CRB1: variants seen among roughly 807,000 people sequenced by gnomAD.
CRB1 encodes crumbs cell polarity complex component 1.
A neutral mutation model predicts 120.0 loss-of-function variants in CRB1; 83 were observed. The ratio of observed to expected loss-of-function variants is 0.69; its 90% CI spans 0.58 to 0.83. CRB1 has a LOEUF of 0.83. CRB1 is among the 40% of genes least tolerant of loss of function. The pLI is 0.00. For synonymous variants in CRB1, 625 were observed against 612.5 expected, an observed-to-expected ratio of 1.02 and a Z score of -0.30; for missense variants, 1,699 against 1,687.6, an observed-to-expected ratio of 1.01 and a Z score of -0.12.
At chr1:197,246,825 A>G in the CRB1 span, among the ~76,000 whole-genome samples, 2 of 152,088 alleles carry the variant, frequency 1.3e-5, no homozygotes, top group Non-Finnish European at 2.9e-5. Flanking sequence ...GAATAGCTGT[A>G]TCAGAGAGTC....
the CRB1 span, among the ~76,000 whole-genome samples, chr1:197,257,231 A>C: frequency 6.6e-6 from 1 of 152,134 alleles, no homozygotes; most frequent in Non-Finnish European, 1.5e-5. Flanking sequence ...AAGAGAGAGG[A>C]AAATTGCCCT....
intron 5 of CRB1, among the ~76,000 whole-genome samples, chr1:197,393,518 G>T: frequency 7.5e-6 from 1 of 133,598 alleles, no homozygotes; most frequent in Non-Finnish European, 1.6e-5. Flanking sequence ...TTGAAAAGTA[G>T]TCATTTTTTT....
Position 197,292,237 on chromosome 1 carries a change from T to TCAC in CRB1, c.70+23761_70+23763dup, listed in dbSNP as rs1558033714. ...GCAATAAAAAATGATAAAGGGGATA[T>TCAC]CACCACCAATCCCACAGAAGTACAA... On this transcript the variant is annotated intron_variant, in intron 1 of 11. Coordinates refer to ENST00000367400, the MANE Select transcript of CRB1 (RefSeq NM_201253.3). Among the ~76,000 whole-genome samples the TCAC allele has an allele frequency of 2.6e-5, 4 of 152,084 alleles. No homozygotes were observed. In the South Asian group the frequency reaches 8.3e-4, roughly 31 times the overall value.
At chr1:197,321,765 A>C (rs1658211007) in intron 1 of CRB1, among the ~76,000 whole-genome samples, 1 of 152,186 alleles carries the variant, frequency 6.6e-6, no homozygotes, top group Non-Finnish European at 1.5e-5. Context: ...ACAATAATAA[A>C]TTCTGTGGCT....
At chr1:197,330,551 T>G (rs530069484) in intron 2 of CRB1, among the ~76,000 whole-genome samples, 3 of 152,300 alleles carry the variant, frequency 2.0e-5, no homozygotes, top group African/African-American at 7.2e-5. Flanking sequence ...ATACAAGTCA[T>G]TTCTTTCCCC....
the CRB1 span, among the ~76,000 whole-genome samples, chr1:197,229,881 C>T: frequency 3.9e-4 from 59 of 152,248 alleles, 1 homozygote; most frequent in African/African-American, 9.6e-4. Flanking sequence ...CCTACAGCTT[C>T]GCTCTTGATT....
chr1:197,432,301 A>G (rs1664906732), intron 8 of CRB1, among the ~76,000 whole-genome samples: 1 of 151,764 alleles, frequency 6.6e-6, no homozygotes, highest in Non-Finnish European at 1.5e-5. Flanking sequence ...AAAAACATGT[A>G]ATGAAACACT....
chr1:197,427,043 G>A (rs1558130872), intron 6 of CRB1, among the ~76,000 whole-genome samples: 1 of 152,196 alleles, frequency 6.6e-6, no homozygotes, highest in Non-Finnish European at 1.5e-5. Context: ...CACTTGCAGA[G>A]GGTTGCATGA....
the CRB1 span, among the ~76,000 whole-genome samples, chr1:197,218,661 CAA>C: frequency 8.5e-5 from 13 of 152,146 alleles, no homozygotes; most frequent in African/African-American, 2.9e-4. Flanking sequence ...GTGGATGATA[CAA>C]GGTTTGTGGA....
At chr1:197,316,060 T>A (rs894865979) in intron 1 of CRB1, among the ~76,000 whole-genome samples, 11 of 152,218 alleles carry the variant, frequency 7.2e-5, no homozygotes, top group Admixed American at 6.5e-4. Context: ...GAAGTAACCC[T>A]AGATATATCT....
chr1:197,476,607 ATAT>A (rs1667209071), intron 11 of CRB1, among the ~76,000 whole-genome samples: 1 of 152,154 alleles, frequency 6.6e-6, no homozygotes. Context: ...TTAAAATATT[ATAT>A]TAATTGTATA....
chr1:197,223,261 C>A, the CRB1 span: 4 of 947,704 alleles, frequency 4.2e-6, no homozygotes, highest in Non-Finnish European at 5.0e-6. Flanking sequence ...ATTGAATATT[C>A]CTTGTGCCAG....
Position 197,457,211 on chromosome 1 carries a change from G to A in CRB1, c.4005+14919G>A, listed in dbSNP as rs886185855. ...CAATCCTAAGTACGCCTCTATCATAGCATCGTATAATAATACTAATAGTGG... is the reference window on the plus strand; with the variant it reads ...CAATCCTAAGTACGCCTCTATCATAACATCGTATAATAATACTAATAGTGG... On this transcript the variant is annotated intron_variant, in intron 11 of 11. Coordinates refer to ENST00000367400, the MANE Select transcript of CRB1 (RefSeq NM_201253.3). Among the ~76,000 whole-genome samples, 6 of 151,994 alleles carry A rather than the reference G, an allele frequency of 3.9e-5. No individual in the cohort carries two copies. The East Asian group carries it at 9.6e-4, about 24-fold the overall frequency.
chr1:197,309,770 A>AAATAAAT (rs1266706135), intron 1 of CRB1, among the ~76,000 whole-genome samples: 1 of 149,958 alleles, frequency 6.7e-6, no homozygotes, highest in Non-Finnish European at 1.5e-5. Flanking sequence ...ATAAATAAAT[A>AAATAAAT]AATAAATAAA....
At chr1:197,309,892 A>G (rs1342562598) in intron 1 of CRB1, among the ~76,000 whole-genome samples, 1 of 152,148 alleles carries the variant, frequency 6.6e-6, no homozygotes, top group Non-Finnish European at 1.5e-5. Flanking sequence ...AGCATCTTAA[A>G]TGTAGTTGGC....
intron 1 of CRB1, among the ~76,000 whole-genome samples, chr1:197,318,185 T>C (rs1335098631): frequency 6.6e-6 from 1 of 152,006 alleles, no homozygotes; most frequent in Non-Finnish European, 1.5e-5. Context: ...GCGAAAGACT[T>C]GAGTAGATAT....
chr1:197,350,717 G>A (rs1660049321), intron 4 of CRB1, among the ~76,000 whole-genome samples: 1 of 152,184 alleles, frequency 6.6e-6, no homozygotes, highest in Non-Finnish European at 1.5e-5. Flanking sequence ...AAGAAGTGCA[G>A]GGATAGCTTG....
At position 197,328,478 on chromosome 1, in the gene CRB1, T is replaced by C. The variant is rs1254919944; in HGVS notation, c.127T>C (p.Ser43Pro). ...CCTCTCAAATTCTTGCCAAAACAAT[T>C]CTACATGCAAAGATTTTTCAAAAGA... The part of the protein sequence containing the change: ...RCLSNSCQNN[S>P]TCKDFSKDND... Residue 43 changes from serine to proline, a missense_variant, in exon 2 of 12, where the codon TCT (serine) becomes CCT (proline). Ser to Pro is a moderately conservative substitution (Grantham distance 74). Coordinates refer to ENST00000367400, the MANE Select transcript of CRB1 (RefSeq NM_201253.3). 18 of 1,614,082 alleles carry C rather than the reference T, an allele frequency of 1.1e-5. No individual in the cohort carries two copies. The highest frequency in any genetic ancestry group is 1.4e-5 in the Non-Finnish European group (16 of 1,180,032).
At chr1:197,468,716 G>A (rs553969682) in intron 11 of CRB1, among the ~76,000 whole-genome samples, 4 of 152,264 alleles carry the variant, frequency 2.6e-5, no homozygotes, top group African/African-American at 9.6e-5. Flanking sequence ...ACATTCATGC[G>A]CATATGTTAT....
Sources: gnomAD v4.1 joint callset for allele counts (sites outside exome capture counted in the v4.1 genomes callset) on GRCh38, gnomAD v4.1.1 for gene constraint, MANE v1.5 for transcripts, NCBI Gene and HGNC (gene_info 2026-07-23, HGNC 2026-07-21) for gene names.